Variants in SETMAR observed in about 807,000 individuals in gnomAD.
SETMAR encodes the protein histone-lysine N-methyltransferase SETMAR.
Under a neutral mutation model 58.4 loss-of-function variants are expected in SETMAR, and 44 were observed. That is an observed-to-expected ratio of 0.75 (90% CI 0.59 to 0.97). SETMAR has a LOEUF of 0.97. Among genes scored for constraint, SETMAR ranks in the 50% least tolerant of loss-of-function variants. The pLI is 0.00. For missense variants in SETMAR, 903 were observed against 840.2 expected, an observed-to-expected ratio of 1.07 and a Z score of -0.92; for synonymous variants, 332 against 307.4, an observed-to-expected ratio of 1.08 and a Z score of -0.84.
chr3:4,308,855 T>C (rs534894962), intron 1 of SETMAR, among the ~76,000 whole-genome samples: 1 of 152,336 alleles, frequency 6.6e-6, no homozygotes, highest in South Asian at 2.1e-4. Flanking sequence ...CTCTGCAAAA[T>C]ATTTGAAGAG....
At chr3:4,303,619 G>T in intron 1 of SETMAR, 93 bp downstream of exon 1, 1 of 1,380,418 alleles carries the variant, frequency 7.2e-7, no homozygotes, top group South Asian at 1.7e-5. Context: ...TCCCAGTCGC[G>T]ACCTTTTGTC....
Position 4,312,984 on chromosome 3 carries a change from C to T in SETMAR, c.243C>T (p.Pro81=), listed in dbSNP as rs773358562. The change falls in exon 2 of 3, where the codon CCC becomes CCT. Residue 81 remains proline, a synonymous_variant. Coordinates refer to ENST00000358065, the MANE Select transcript of SETMAR (RefSeq NM_006515.4). ...CCGGATGCATTTGTGTCAAAACTCC[C>T]TGCCTCCCTGGCACTTGCTCCTGTC... ...TFPGCICVKT[P]CLPGTCSCLR... 2.6e-5 allele frequency: 42 copies of T among 1,613,910 alleles called. No homozygotes were observed. In the South Asian group the frequency reaches 4.6e-4, roughly 18 times the overall value.
chr3:4,307,220 C>G (rs150963310), intron 1 of SETMAR, among the ~76,000 whole-genome samples: 121 of 152,320 alleles, frequency 7.9e-4, no homozygotes, highest in Admixed American at 6.5e-3. Flanking sequence ...TCTGGGTCTT[C>G]AGTACGGAAT....
At position 4,316,034 on chromosome 3, in the gene SETMAR, G is replaced by A. The variant is rs1433972727; in HGVS notation, c.1021-178G>A. Among the ~76,000 whole-genome samples, 11 of 129,702 alleles carry A rather than the reference G, an allele frequency of 8.5e-5. 1 individual carries two copies. Among genetic ancestry groups the A allele is most frequent in the East Asian group, 2.1e-4 (1 of 4,772 alleles). 85.1% of individuals were successfully genotyped at this position (129,702 alleles called of 152,430 possible). A position where few individuals can be genotyped will look rare whatever the true frequency, so the allele number is the denominator to read the frequency against. On this transcript the variant is annotated intron_variant, in intron 2 of 2. Coordinates refer to ENST00000358065, the MANE Select transcript of SETMAR (RefSeq NM_006515.4). ...TGCACTCCAGCTTGGGTGACAGAGC[G>A]AGACTCTGTCTCAAAAAAAAAAAAA...
chr3:4,303,595 T>A, intron 1 of SETMAR, 69 bp downstream of exon 1: 1 of 1,375,824 alleles, frequency 7.3e-7, no homozygotes, highest in South Asian at 1.7e-5. Context: ...TCAAGCCGCC[T>A]CGCTGGGACG....
At chr3:4,303,771 T>G in intron 1 of SETMAR, 1 of 1,452,404 alleles carries the variant, frequency 6.9e-7, no homozygotes, top group Non-Finnish European at 9.2e-7. Flanking sequence ...CCGGAGGCCT[T>G]GTGAGAACCT....
intron 2 of SETMAR, chr3:4,314,114 G>C (rs1157551372): frequency 1.2e-5 from 4 of 337,210 alleles, no homozygotes; most frequent in Admixed American, 4.4e-5. Flanking sequence ...AGTCATCCTA[G>C]ACCCCAGGAT....
At chr3:4,303,735 T>C in intron 1 of SETMAR, 1 of 1,493,900 alleles carries the variant, frequency 6.7e-7, no homozygotes, top group South Asian at 1.2e-5. Flanking sequence ...TGTTGTCCTT[T>C]TCAGTCCATT....
intron 1 of SETMAR, among the ~76,000 whole-genome samples, chr3:4,311,219 T>A (rs779473767): frequency 3.9e-5 from 6 of 152,162 alleles, no homozygotes; most frequent in Non-Finnish European, 8.8e-5. Flanking sequence ...TTTTTTAGTG[T>A]AGGGTTTTGC....
At chr3:4,305,288 G>A (rs148276332) in intron 1 of SETMAR, among the ~76,000 whole-genome samples, 1 of 152,088 alleles carries the variant, frequency 6.6e-6, no homozygotes, top group South Asian at 2.1e-4. Flanking sequence ...GTTTTACCAT[G>A]TTGCCCAGGC....
chr3:4,314,678 C>T (rs112676114), intron 2 of SETMAR, among the ~76,000 whole-genome samples: 1,621 of 152,268 alleles, frequency 0.011, 19 homozygotes, highest in African/African-American at 0.036. Flanking sequence ...ACCCTGTCCA[C>T]ACCACAGAAG....
intron 2 of SETMAR, among the ~76,000 whole-genome samples, chr3:4,315,525 A>G (rs1241798835): frequency 6.6e-6 from 1 of 152,148 alleles, no homozygotes; most frequent in East Asian, 1.9e-4. Context: ...CTCAGGCACT[A>G]GTTTATTATA....
chr3:4,316,693 T>C lies in SETMAR; in HGVS notation c.1502T>C (p.Leu501Ser), dbSNP rs907008427. 6.4e-7 allele frequency: 1 copy of C among 1,551,154 alleles called. No homozygotes were observed. Among genetic ancestry groups the C allele is most frequent in the Non-Finnish European group, 8.7e-7 (1 of 1,146,778 alleles). Residue 501 changes from leucine (L) to serine (S), a missense_variant, in exon 3 of 3, where the codon TTA (leucine) becomes TCA (serine). Leu to Ser is a moderately radical substitution (Grantham distance 145). Transcript: ENST00000358065. ...RIVTCDEKWI[L>S]YDNRRRSAQW... ...GTGACGTGTGATGAAAAGTGGATTTTATATGACAACCGGCGACGATCAGCT... is the reference window on the plus strand; with the variant it reads ...GTGACGTGTGATGAAAAGTGGATTTCATATGACAACCGGCGACGATCAGCT...
chr3:4,303,600 G>T lies in SETMAR; in HGVS notation c.156+74G>T, dbSNP rs1698044211. 4 of 1,375,368 alleles carry T rather than the reference G, an allele frequency of 2.9e-6. No homozygotes were observed. In the South Asian group the frequency reaches 6.9e-5, roughly 24 times the overall value. The allele number at this position is 1,375,368 out of a possible 1,614,324, so 85.2% of individuals were successfully genotyped here. On this transcript the variant is annotated intron_variant, in intron 1 of 2. Transcript: ENST00000358065. ...CGTGGTCTCCTCAAGCCGCCTCGCTGGGACGGCCTCCCAGTCGCGACCTTT... is the reference window on the plus strand; with the variant it reads ...CGTGGTCTCCTCAAGCCGCCTCGCTTGGACGGCCTCCCAGTCGCGACCTTT...
chr3:4,304,493 A>G (rs1447352888), intron 1 of SETMAR, among the ~76,000 whole-genome samples: 1 of 152,208 alleles, frequency 6.6e-6, no homozygotes, highest in South Asian at 2.1e-4. Context: ...CCCAAGGAAT[A>G]AGGAATGACC....
chr3:4,310,757 A>G (rs1426407910), intron 1 of SETMAR, among the ~76,000 whole-genome samples: 1 of 152,196 alleles, frequency 6.6e-6, no homozygotes, highest in Non-Finnish European at 1.5e-5. Context: ...AGTTGATTTT[A>G]AAAGAAGTTA....
chr3:4,315,991 G>T (rs1698622630), intron 2 of SETMAR, among the ~76,000 whole-genome samples: 2 of 146,124 alleles, frequency 1.4e-5, no homozygotes, highest in Non-Finnish European at 3.0e-5. Flanking sequence ...AGGTTGCAGT[G>T]AGCCAAGACT....
chr3:4,304,661 A>G (rs1698111103), intron 1 of SETMAR, among the ~76,000 whole-genome samples: 1 of 152,188 alleles, frequency 6.6e-6, no homozygotes, highest in African/African-American at 2.4e-5. Flanking sequence ...CATTATCAAC[A>G]ATGAACCCTA....
intron 2 of SETMAR, 147 bp downstream of exon 2, chr3:4,313,908 G>A (rs1319570119): frequency 7.2e-7 from 1 of 1,384,374 alleles, no homozygotes; most frequent in African/African-American, 1.4e-5. Flanking sequence ...TCCCCTTTCT[G>A]TAATAGAATT....
Sources: gnomAD v4.1 joint callset for allele counts (sites outside exome capture counted in the v4.1 genomes callset) on GRCh38, gnomAD v4.1.1 for gene constraint, MANE v1.5 for transcripts, NCBI Gene and HGNC (gene_info 2026-07-23, HGNC 2026-07-21) for gene names.